The following RALGAPA1 variants were observed in gnomAD, a reference collection of about 807,000 sequenced individuals.
RALGAPA1 encodes Ral GTPase activating protein catalytic subunit alpha 1, also known as ral GTPase-activating protein subunit alpha-1.
RALGAPA1 carries 52 observed loss-of-function variants against 269.6 expected under a neutral mutation model. The observed-to-expected ratio is 0.19, with a 90% CI of 0.15 to 0.24. RALGAPA1 has a LOEUF of 0.24. Ranked by LOEUF, RALGAPA1 falls within the 10% of genes least tolerant of loss-of-function variation. The pLI, the probability that RALGAPA1 is intolerant of heterozygous loss-of-function variation, is 1.00. For missense variants in RALGAPA1, 1,917 were observed against 3,013.9 expected (o/e 0.64, Z 8.52); for synonymous variants, 817 against 1,008.3 (o/e 0.81, Z 3.60).
intron 3 of RALGAPA1, among the ~76,000 whole-genome samples, chr14:35,774,071 C>T (rs1485569563): frequency 6.6e-6 from 1 of 152,094 alleles, no homozygotes; most frequent in Non-Finnish European, 1.5e-5. Context: ...CTGCCACCAC[C>T]ATGCCTTGGC....
At chr14:35,571,660 C>T (rs189428625) in intron 38 of RALGAPA1, among the ~76,000 whole-genome samples, 51 of 152,124 alleles carry the variant, frequency 3.4e-4, no homozygotes, top group African/African-American at 1.1e-3. Flanking sequence ...GGTGACAGAG[C>T]GAGAGCCAGA....
chr14:35,668,909 C>G (rs1206341156), intron 26 of RALGAPA1, among the ~76,000 whole-genome samples: 5 of 151,734 alleles, frequency 3.3e-5, no homozygotes, highest in Non-Finnish European at 7.4e-5. Flanking sequence ...AATAAAGTAC[C>G]TTTCAATTCT....
chr14:35,685,527 A>G (rs772454484), intron 19 of RALGAPA1, among the ~76,000 whole-genome samples: 2 of 152,184 alleles, frequency 1.3e-5, no homozygotes, highest in Non-Finnish European at 2.9e-5. Context: ...TCAAGGGAAA[A>G]AAGTAAGCCT....
At chr14:35,804,468 C>T (rs551851435) in intron 1 of RALGAPA1, among the ~76,000 whole-genome samples, 72 of 151,826 alleles carry the variant, frequency 4.7e-4, no homozygotes, top group South Asian at 2.3e-3. Context: ...ACTTAGGAGG[C>T]TGAGGCAGGA....
intron 21 of RALGAPA1, among the ~76,000 whole-genome samples, chr14:35,679,099 C>T (rs1356533914): frequency 1.3e-5 from 2 of 152,200 alleles, no homozygotes; most frequent in Admixed American, 1.3e-4. Flanking sequence ...ATAGCAGGTA[C>T]TTTTGTTAAC....
chr14:35,544,226 C>T (rs1276240740), intron 41 of RALGAPA1, among the ~76,000 whole-genome samples: 3 of 152,120 alleles, frequency 2.0e-5, no homozygotes, highest in African/African-American at 7.2e-5. Flanking sequence ...AGAGATTTTT[C>T]AATGGGTGGG....
At chr14:35,562,436 G>A (rs540613093) in intron 39 of RALGAPA1, among the ~76,000 whole-genome samples, 1 of 152,260 alleles carries the variant, frequency 6.6e-6, no homozygotes, top group Admixed American at 6.5e-5. Flanking sequence ...CTCCCTAAGA[G>A]ATCTCCCAAC....
chr14:35,782,140 C>T (rs2075476983), intron 1 of RALGAPA1, among the ~76,000 whole-genome samples: 1 of 152,002 alleles, frequency 6.6e-6, no homozygotes, highest in Non-Finnish European at 1.5e-5. Flanking sequence ...TTGCAGAATA[C>T]AAGATTAATA....
At chr14:35,661,097 A>T (rs1002849330) in intron 27 of RALGAPA1, among the ~76,000 whole-genome samples, 1 of 151,500 alleles carries the variant, frequency 6.6e-6, no homozygotes, top group Non-Finnish European at 1.5e-5. Flanking sequence ...GTACACTTGA[A>T]ACCTGCTAAG....
chr14:35,771,395 GAAACA>G (rs758320424), intron 3 of RALGAPA1, among the ~76,000 whole-genome samples: 2 of 151,814 alleles, frequency 1.3e-5, no homozygotes, highest in African/African-American at 2.4e-5. Flanking sequence ...ACTCCGTCTC[GAAACA>G]AAACAAAACA....
chr14:35,712,019 G>A (rs2140845978), intron 16 of RALGAPA1, among the ~76,000 whole-genome samples: 1 of 152,204 alleles, frequency 6.6e-6, no homozygotes, highest in East Asian at 1.9e-4. Context: ...GGCCAAGGTG[G>A]GTGGATCACT....
Position 35,688,610 on chromosome 14 carries a change from G to GCCCTGCT in RALGAPA1, c.3794_3800dup (p.Ser1268AlafsTer9), listed in dbSNP as rs2066179840. ...CAGTTTTATAAACGCCACCCAGGGA[G>GCCCTGCT]CCCTGCTGTAGTCCTGCCTCATGAC... On this transcript the variant is annotated frameshift_variant, in exon 18 of 42. Transcript: ENST00000680220. LOFTEE classifies it high-confidence loss of function. The GCCCTGCT allele has an allele frequency of 6.5e-7, 1 of 1,535,220 alleles. No homozygotes were observed.
At chr14:35,650,834 AGCCTTGTCTAACAGAACTTTGT>A (rs547347553) in intron 31 of RALGAPA1, among the ~76,000 whole-genome samples, 15 of 152,300 alleles carry the variant, frequency 9.8e-5, no homozygotes, top group Admixed American at 5.9e-4. Context: ...AATCTAGAGC[AGCCTTGTCTAACAGAACTTTGT>A]GCCTTGTCTA....
Position 35,750,433 on chromosome 14 carries a change from C to T in RALGAPA1, c.1011+49G>A, listed in dbSNP as rs771190299. 32 of 1,476,162 alleles carry T rather than the reference C, an allele frequency of 2.2e-5. 1 individual carries two copies. The South Asian group carries it at 2.9e-4, about 13-fold the overall frequency. 91.4% of individuals were successfully genotyped at this position (1,476,162 alleles called of 1,614,324 possible). The stretch of plus-strand genomic sequence containing the variant: ...GGCAACTGAACTCAATGGACTAAAT[C>T]TCAAAAGCCATTTCTAACTTTAACA... On this transcript the variant is annotated intron_variant, in intron 9 of 41. Transcript: ENST00000680220.
At chr14:35,625,620 A>G (rs2060946784) in intron 34 of RALGAPA1, among the ~76,000 whole-genome samples, 188 bp from the exon 35 acceptor site, 1 of 152,248 alleles carries the variant, frequency 6.6e-6, no homozygotes, top group African/African-American at 2.4e-5. Context: ...CCAGGTGTTC[A>G]TACATTTCTG....
rs768151782 is a variant in RALGAPA1, at chr14:35,748,780, A to G, written c.1056T>C (p.Asp352=). The G allele has an allele frequency of 1.9e-6, 3 of 1,611,212 alleles. No individual in the cohort carries two copies. Among genetic ancestry groups the G allele is most frequent in the Non-Finnish European group, 2.5e-6 (3 of 1,179,400 alleles). The change falls in exon 10 of 42, where the codon GAT becomes GAC. Residue 352 remains aspartate (D), a synonymous_variant. Transcript: ENST00000680220. The stretch of plus-strand genomic sequence containing the variant: ...TAGTTCTGTCTGTTTTATCAGCATT[A>G]TCATTTTTGCTTTCTTCTCTGGATA... The part of the protein sequence containing the change: ...SLVSREESKN[D]NADKTDRTTE...
At chr14:35,726,208 T>C (rs1208122061) in intron 13 of RALGAPA1, among the ~76,000 whole-genome samples, 1 of 151,924 alleles carries the variant, frequency 6.6e-6, no homozygotes, top group Non-Finnish European at 1.5e-5. Flanking sequence ...GAAGTCAGAG[T>C]AGAATCAAAC....
At chr14:35,681,483 A>AT (rs1253578100) in intron 21 of RALGAPA1, among the ~76,000 whole-genome samples, 1 of 149,016 alleles carries the variant, frequency 6.7e-6, no homozygotes, top group African/African-American at 2.6e-5. Flanking sequence ...CATATACATC[A>AT]TTTTATTTTT....
At chr14:35,699,911 A>T (rs981661975) in intron 17 of RALGAPA1, among the ~76,000 whole-genome samples, 1 of 151,852 alleles carries the variant, frequency 6.6e-6, no homozygotes, top group East Asian at 1.9e-4. Flanking sequence ...AAAAAAAAAA[A>T]AAATTGGCCA....
Sources: allele counts gnomAD v4.1 joint callset (sites outside exome capture counted in the v4.1 genomes callset), GRCh38; gene constraint gnomAD v4.1.1; transcripts MANE v1.5; gene names NCBI Gene and HGNC (gene_info 2026-07-23, HGNC 2026-07-21).